PTPRD: variants seen among roughly 807,000 people sequenced by gnomAD.
PTPRD encodes the protein receptor-type tyrosine-protein phosphatase delta.
Under a neutral mutation model 214.5 loss-of-function variants are expected in PTPRD, and 34 were observed. The observed-to-expected ratio is 0.16, with a 90% CI of 0.12 to 0.21. PTPRD has a LOEUF of 0.21. PTPRD is among the 10% of genes least tolerant of loss of function. The pLI, the probability that PTPRD is intolerant of heterozygous loss-of-function variation, is 1.00. For synonymous variants in PTPRD, 1,128 were observed against 845.7 expected, an observed-to-expected ratio of 1.33 and a Z score of -5.79; for missense variants, 2,545 against 2,398.7, an observed-to-expected ratio of 1.06 and a Z score of -1.27.
intron 5 of PTPRD, among the ~76,000 whole-genome samples, chr9:9,791,119 T>C (rs955524344): frequency 3.3e-5 from 5 of 152,178 alleles, no homozygotes; most frequent in South Asian, 4.1e-4. Flanking sequence ...TTAGGAACTA[T>C]AAAATATTTT....
chr9:8,331,013 A>ATTAAC (rs1840071513), intron 44 of PTPRD, among the ~76,000 whole-genome samples: 2 of 152,128 alleles, frequency 1.3e-5, no homozygotes. Flanking sequence ...ATTTATTTCT[A>ATTAAC]TTAACTTCAA....
At chr9:10,088,865 T>C (rs1666387597) in intron 3 of PTPRD, among the ~76,000 whole-genome samples, 1 of 151,780 alleles carries the variant, frequency 6.6e-6, no homozygotes. Context: ...GGAAAAATTC[T>C]GGAATTTTTG....
At position 10,393,305 on chromosome 9, in the gene PTPRD, T is replaced by TTGTG. The variant is rs200121575; in HGVS notation, c.-599-52292_-599-52289dup. ...TGCTATTTTGTGTGTGTGTGTGTGTTTGTGTGTGTGTGTATGTGGTCAGAA... is the reference window on the plus strand; with the variant it reads ...TGCTATTTTGTGTGTGTGTGTGTGTTTGTGTGTGTGTGTGTGTATGTGGTCAGAA... On this transcript the variant is annotated intron_variant, in intron 2 of 45. Coordinates refer to ENST00000381196, the MANE Select transcript of PTPRD (RefSeq NM_002839.4). Among the ~76,000 whole-genome samples the TTGTG allele has an allele frequency of 9.1e-3, 1,371 of 150,428 alleles. 5 individuals are homozygous for TTGTG. The highest frequency in any genetic ancestry group is 0.038 in the Middle Eastern group (11 of 292).
chr9:8,904,685 G>C (rs1247185650), intron 11 of PTPRD, among the ~76,000 whole-genome samples: 1 of 141,464 alleles, frequency 7.1e-6, no homozygotes, highest in African/African-American at 2.7e-5. Context: ...AAAAAAAAAA[G>C]CTACACATTA....
intron 11 of PTPRD, among the ~76,000 whole-genome samples, chr9:8,880,081 T>C (rs1253798691): frequency 6.6e-6 from 1 of 152,200 alleles, no homozygotes; most frequent in Non-Finnish European, 1.5e-5. Context: ...AAATGTAGCC[T>C]TTCAAATAAC....
chr9:9,232,928 A>G (rs1305743081), intron 9 of PTPRD, among the ~76,000 whole-genome samples: 1 of 152,110 alleles, frequency 6.6e-6, no homozygotes, highest in Non-Finnish European at 1.5e-5. Flanking sequence ...ATAAACCTAG[A>G]AAAATACTAC....
At chr9:8,486,790 T>C (rs1016569347) in intron 27 of PTPRD, among the ~76,000 whole-genome samples, 2 of 152,226 alleles carry the variant, frequency 1.3e-5, no homozygotes, top group East Asian at 1.9e-4. Context: ...GTATTCACAA[T>C]TGGTTTACAT....
intron 11 of PTPRD, among the ~76,000 whole-genome samples, chr9:8,869,914 T>C (rs1006240844): frequency 5.9e-5 from 9 of 151,962 alleles, no homozygotes; most frequent in African/African-American, 1.9e-4. Context: ...ATAACTAAGG[T>C]CCTAACAGCC....
chr9:8,433,291 A>C (rs1030055938), intron 35 of PTPRD, among the ~76,000 whole-genome samples: 24 of 152,262 alleles, frequency 1.6e-4, no homozygotes, highest in African/African-American at 5.5e-4. Context: ...CATAAAAGTC[A>C]GGCACATACA....
chr9:9,931,232 C>T lies in PTPRD; in HGVS notation c.-368+7275G>A, dbSNP rs1259368169. Among the ~76,000 whole-genome samples the T allele has an allele frequency of 2.6e-5, 4 of 152,004 alleles. No homozygotes were observed. In the East Asian group the frequency reaches 7.7e-4, roughly 29 times the overall value. On this transcript the variant is annotated intron_variant, in intron 5 of 45. Transcript: ENST00000381196. Reference sequence around the variant, plus strand: ...AATTACTGGGGAGGAGCCAAGATGGCCGAATAGGAACAGCTCCGGTCTACA... The same window carrying T: ...AATTACTGGGGAGGAGCCAAGATGGTCGAATAGGAACAGCTCCGGTCTACA...
rs79944931 is a variant in PTPRD, at chr9:9,160,731, C to T, written c.-143+22573G>A. On this transcript the variant is annotated intron_variant, in intron 10 of 45. Coordinates refer to ENST00000381196, the MANE Select transcript of PTPRD (RefSeq NM_002839.4). ...TATGTTAAAGGGATATCTGCATGCT[C>T]ATGTGCATTGCAGCATTATTCACAA... Among the ~76,000 whole-genome samples the T allele has an allele frequency of 9.8e-3, 1,489 of 152,280 alleles. 36 individuals carry two copies. The highest frequency in any genetic ancestry group is 0.034 in the African/African-American group (1,425 of 41,570).
At chr9:8,333,027 T>G in intron 43 of PTPRD, among the ~76,000 whole-genome samples, 1 of 152,310 alleles carries the variant, frequency 6.6e-6, no homozygotes, top group East Asian at 1.9e-4. Flanking sequence ...CAGTGTGAGA[T>G]GAGCACTCAT....
At chr9:8,632,557 G>A (rs781334567) in intron 14 of PTPRD, among the ~76,000 whole-genome samples, 2 of 151,898 alleles carry the variant, frequency 1.3e-5, no homozygotes, top group Admixed American at 6.6e-5. Context: ...TCAACTGTGA[G>A]GTGCCTAATT....
chr9:8,770,251 T>A (rs2095100366), intron 11 of PTPRD, among the ~76,000 whole-genome samples: 2 of 151,976 alleles, frequency 1.3e-5, no homozygotes, highest in Admixed American at 1.3e-4. Flanking sequence ...CCCACTGCAT[T>A]CCAGCCTGGA....
intron 30 of PTPRD, among the ~76,000 whole-genome samples, chr9:8,482,562 A>G (rs569108563): frequency 3.3e-5 from 5 of 152,206 alleles, no homozygotes; most frequent in African/African-American, 1.2e-4. Flanking sequence ...ATGAGAAAGG[A>G]TTTATTCTTA....
At chr9:9,796,042 T>C (rs919141681) in intron 5 of PTPRD, among the ~76,000 whole-genome samples, 23 of 152,128 alleles carry the variant, frequency 1.5e-4, no homozygotes, top group African/African-American at 5.1e-4. Flanking sequence ...TTCTTCTAAA[T>C]TTTAAGGTAT....
intron 5 of PTPRD, among the ~76,000 whole-genome samples, chr9:9,904,789 A>AT (rs1287322337): frequency 6.6e-6 from 1 of 152,094 alleles, no homozygotes; most frequent in Non-Finnish European, 1.5e-5. Flanking sequence ...AAAATAGATG[A>AT]CATAAAAGAC....
chr9:8,921,619 G>A (rs1237286324), intron 11 of PTPRD, among the ~76,000 whole-genome samples: 1 of 151,960 alleles, frequency 6.6e-6, no homozygotes, highest in Non-Finnish European at 1.5e-5. Flanking sequence ...TTAACCTCCT[G>A]AGTAGCTGGG....
At chr9:8,840,953 G>T (rs1215809948) in intron 11 of PTPRD, among the ~76,000 whole-genome samples, 1 of 152,064 alleles carries the variant, frequency 6.6e-6, no homozygotes, top group Non-Finnish European at 1.5e-5. Flanking sequence ...TGAATCACCG[G>T]GTTTCCTTAA....
Sources: allele counts gnomAD v4.1 joint callset (sites outside exome capture counted in the v4.1 genomes callset), GRCh38; gene constraint gnomAD v4.1.1; transcripts MANE v1.5; gene names NCBI Gene and HGNC (gene_info 2026-07-23, HGNC 2026-07-21).